Variants in CCDC167 observed in about 807,000 individuals in gnomAD.
CCDC167 encodes coiled-coil domain containing 167.
A neutral mutation model predicts 12.7 loss-of-function variants in CCDC167; 15 were observed. The ratio of observed to expected loss-of-function variants is 1.18; its 90% confidence interval spans 0.79 to 1.81. CCDC167 has a LOEUF of 1.81. CCDC167 is among the 40% of genes most tolerant of loss of function. The pLI is 0.00. For missense variants in CCDC167, 121 were observed against 120.1 expected, an observed-to-expected ratio of 1.01 and a Z score of -0.03; for synonymous variants, 52 against 49.0, an observed-to-expected ratio of 1.06 and a Z score of -0.26.
intron 1 of CCDC167, among the ~76,000 whole-genome samples, chr6:37,492,142 A>C (rs1762029979): frequency 6.6e-6 from 1 of 152,194 alleles, no homozygotes; most frequent in South Asian, 2.1e-4. Flanking sequence ...AAGGTCGTGT[A>C]ACTGGGAAGG....
At chr6:37,485,286 G>A in intron 1 of CCDC167, 92 bp from the exon 2 acceptor site, 1 of 950,232 alleles carries the variant, frequency 1.1e-6, no homozygotes, top group Admixed American at 1.9e-5. Context: ...AGTCTTCTTG[G>A]ACAGGTGTTC....
intron 1 of CCDC167, among the ~76,000 whole-genome samples, chr6:37,486,052 C>CCTCT (rs754572499): frequency 6.6e-6 from 1 of 152,134 alleles, no homozygotes; most frequent in South Asian, 2.1e-4. Flanking sequence ...TAGCTGGCCA[C>CCTCT]CTCTCTGGCT....
Position 37,489,254 on chromosome 6 carries a change from A to C in CCDC167, c.43-4060T>G, listed in dbSNP as rs1251153199. On this transcript the variant is annotated intron_variant, in intron 1 of 3. Transcript: ENST00000373408. ...CTATCTCAAAAACAAACAAACAAAC[A>C]AAAAAAAACAGCAGGGGTGTGAGGT... Among the ~76,000 whole-genome samples the C allele has an allele frequency of 6.0e-5, 8 of 133,592 alleles. No homozygotes were observed. In the East Asian group the frequency reaches 1.6e-3, roughly 26 times the overall value. 87.6% of individuals were successfully genotyped at this position (133,592 alleles called of 152,430 possible). A position where few individuals can be genotyped will look rare whatever the true frequency, so the allele number is the denominator to read the frequency against.
At chr6:37,488,129 ACAAT>A (rs1761970725) in intron 1 of CCDC167, among the ~76,000 whole-genome samples, 1 of 152,228 alleles carries the variant, frequency 6.6e-6, no homozygotes, top group African/African-American at 2.4e-5. Context: ...CGGGAAGCTG[ACAAT>A]CAAACACCCT....
intron 1 of CCDC167, among the ~76,000 whole-genome samples, chr6:37,494,804 A>ACTTTTTTT (rs1561799989): frequency 2.2e-5 from 1 of 44,936 alleles, no homozygotes; most frequent in Non-Finnish European, 4.2e-5. Context: ...CCTACCTACA[A>ACTTTTTTT]ATTTTTTTTT....
rs181877799 is a variant in CCDC167 at position 37,498,946 on chromosome 6, G to C, written c.42+876C>G. On this transcript the variant is annotated intron_variant, in intron 1 of 3. Coordinates refer to ENST00000373408, the MANE Select transcript of CCDC167 (RefSeq NM_138493.3). Reference sequence around the variant, plus strand: ...GCCCTGTGACTCTATGCATGCTAAAGTTTGAGAATCACTGAACTCACTAGT... The same window carrying C: ...GCCCTGTGACTCTATGCATGCTAAACTTTGAGAATCACTGAACTCACTAGT... Among the ~76,000 whole-genome samples the C allele has an allele frequency of 2.0e-5, 3 of 152,276 alleles. No individual in the cohort carries two copies. The East Asian group carries it at 5.8e-4, about 29-fold the overall frequency.
intron 1 of CCDC167, among the ~76,000 whole-genome samples, chr6:37,496,813 A>G (rs1762103393): frequency 6.6e-6 from 1 of 152,226 alleles, no homozygotes; most frequent in African/African-American, 2.4e-5. Context: ...GTAGCTGGCT[A>G]TGTGGCCTCC....
At chr6:37,484,748 C>T in intron 3 of CCDC167, 62 bp downstream of exon 3, 9 of 1,601,438 alleles carry the variant, frequency 5.6e-6, no homozygotes, top group Non-Finnish European at 7.7e-6. Flanking sequence ...CCTTGGGCTT[C>T]TGACCCTTCC....
At chr6:37,496,214 A>T (rs942006185) in intron 1 of CCDC167, among the ~76,000 whole-genome samples, 1 of 152,104 alleles carries the variant, frequency 6.6e-6, no homozygotes, top group Non-Finnish European at 1.5e-5. Flanking sequence ...CGGGCGGATC[A>T]CTTGAGGTCA....
At chr6:37,489,461 C>A (rs1274832337) in intron 1 of CCDC167, among the ~76,000 whole-genome samples, 1 of 152,172 alleles carries the variant, frequency 6.6e-6, no homozygotes, top group Non-Finnish European at 1.5e-5. Flanking sequence ...ATGGTGGGAA[C>A]CTTGCGATCC....
At chr6:37,497,863 AAC>A (rs1437486132) in intron 1 of CCDC167, among the ~76,000 whole-genome samples, 4 of 152,128 alleles carry the variant, frequency 2.6e-5, no homozygotes, top group Admixed American at 2.0e-4. Flanking sequence ...TCAAAAGCAA[AAC>A]ACAGCGAAAT....
intron 1 of CCDC167, among the ~76,000 whole-genome samples, chr6:37,494,423 T>G (rs1762071412): frequency 6.6e-6 from 1 of 152,160 alleles, no homozygotes; most frequent in Admixed American, 6.5e-5. Flanking sequence ...CCATTAGCAT[T>G]TATTCCTTAC....
intron 1 of CCDC167, among the ~76,000 whole-genome samples, chr6:37,491,422 C>T (rs1444422235): frequency 6.6e-6 from 1 of 152,210 alleles, no homozygotes; most frequent in African/African-American, 2.4e-5. Flanking sequence ...CTGGGCTACA[C>T]AGGCCACTCT....
intron 1 of CCDC167, 25 bp downstream of exon 1, chr6:37,499,797 G>A (rs768568318): frequency 5.6e-6 from 9 of 1,612,842 alleles, no homozygotes; most frequent in Admixed American, 3.3e-5. Flanking sequence ...TAACGAGGTG[G>A]CCCAACCCCC....
intron 1 of CCDC167, among the ~76,000 whole-genome samples, chr6:37,487,238 C>T (rs188034467): frequency 1.3e-5 from 2 of 152,274 alleles, no homozygotes; most frequent in African/African-American, 2.4e-5. Context: ...TGCCTGGTCC[C>T]GGCAGAGGCC....
At chr6:37,498,472 G>A (rs558107627) in intron 1 of CCDC167, among the ~76,000 whole-genome samples, 1 of 151,718 alleles carries the variant, frequency 6.6e-6, no homozygotes, top group South Asian at 2.1e-4. Flanking sequence ...CTCAAGGGAT[G>A]CCACTAAAAC....
intron 1 of CCDC167, among the ~76,000 whole-genome samples, chr6:37,489,658 G>A (rs563508545): frequency 9.2e-5 from 14 of 152,344 alleles, no homozygotes; most frequent in Non-Finnish European, 1.8e-4. Context: ...GCCAGAGCCA[G>A]GGCTCACTCA....
Position 37,483,075 on chromosome 6 carries a change from T to C in CCDC167, c.*111A>G, listed in dbSNP as rs3734325. 3.0e-3 allele frequency: 2,605 copies of C among 861,850 alleles called. 81 individuals are homozygous for C. In the East Asian group the frequency reaches 0.058, roughly 19 times the overall value. 53.4% of individuals were successfully genotyped at this position (861,850 alleles called of 1,614,324 possible). A position where few individuals can be genotyped will look rare whatever the true frequency, so the allele number is the denominator to read the frequency against. On this transcript the variant is annotated 3_prime_UTR_variant, in exon 4 of 4. Transcript: ENST00000373408. ...CAGGAAGCCATGCTTGAACACTAGG[T>C]TGGGAGGGGAACACCCCAGCACCTT...
chr6:37,493,157 AGAAAGGCGAGG>A (rs1000310618), intron 1 of CCDC167, among the ~76,000 whole-genome samples: 2 of 152,238 alleles, frequency 1.3e-5, no homozygotes, highest in African/African-American at 4.8e-5. Context: ...ATGCCAGGTC[AGAAAGGCGAGG>A]GAACCGCTGC....
Sources: gnomAD v4.1 joint callset for allele counts (sites outside exome capture counted in the v4.1 genomes callset) on GRCh38, gnomAD v4.1.1 for gene constraint, MANE v1.5 for transcripts, NCBI Gene and HGNC (gene_info 2026-07-23, HGNC 2026-07-21) for gene names.